The following TAF3 variants were observed in gnomAD, a reference collection of about 807,000 sequenced individuals.
TAF3 encodes transcription initiation factor TFIID subunit 3.
TAF3 carries 7 observed loss-of-function variants against 80.6 expected under a neutral mutation model. The ratio of observed to expected loss-of-function variants is 0.09; its 90% confidence interval spans 0.05 to 0.16. The LOEUF is 0.16. TAF3 is among the 10% of genes least tolerant of loss of function. The pLI, the probability that TAF3 is intolerant of heterozygous loss-of-function variation, is 1.00. For synonymous variants in TAF3, 444 were observed against 446.1 expected, an observed-to-expected ratio of 1.00 and a Z score of 0.06; for missense variants, 921 against 1,140.2, an observed-to-expected ratio of 0.81 and a Z score of 2.77.
At chr10:7,897,823 C>T (rs535212610) in intron 2 of TAF3, among the ~76,000 whole-genome samples, 1 of 152,122 alleles carries the variant, frequency 6.6e-6, no homozygotes, top group South Asian at 2.1e-4. Context: ...CCATGCCCGG[C>T]TAACTTTTTG....
intron 2 of TAF3, among the ~76,000 whole-genome samples, chr10:7,826,823 A>G (rs915078524): frequency 1.3e-5 from 2 of 152,150 alleles, no homozygotes; most frequent in Non-Finnish European, 2.9e-5. Flanking sequence ...ATACAAGACC[A>G]TTTCTTGTCA....
chr10:7,904,244 T>C (rs1033550378), intron 2 of TAF3, among the ~76,000 whole-genome samples: 7 of 152,222 alleles, frequency 4.6e-5, no homozygotes, highest in Non-Finnish European at 1.0e-4. Context: ...AGTATGGTAG[T>C]GGCCCACACA....
chr10:7,913,720 C>T (rs1837678891), intron 2 of TAF3, among the ~76,000 whole-genome samples: 1 of 152,162 alleles, frequency 6.6e-6, no homozygotes, highest in Non-Finnish European at 1.5e-5. Context: ...ATCTTGACAT[C>T]ACTGAAAGTG....
At chr10:7,883,138 C>T (rs1434902976) in intron 2 of TAF3, among the ~76,000 whole-genome samples, 2 of 152,184 alleles carry the variant, frequency 1.3e-5, no homozygotes, top group South Asian at 2.1e-4. Flanking sequence ...TGATACCCTC[C>T]GTAGCAAAAG....
intron 6 of TAF3, among the ~76,000 whole-genome samples, chr10:8,014,327 AAGAT>A (rs1832083462): frequency 6.6e-6 from 1 of 152,230 alleles, no homozygotes; most frequent in Non-Finnish European, 1.5e-5. Context: ...AGATACAAAA[AAGAT>A]AGCAACCTGT....
At chr10:7,891,576 A>T (rs1467412017) in intron 2 of TAF3, among the ~76,000 whole-genome samples, 1 of 152,184 alleles carries the variant, frequency 6.6e-6, no homozygotes, top group Non-Finnish European at 1.5e-5. Flanking sequence ...ACCTTTTAAA[A>T]AATGTTTTAT....
chr10:7,841,483 G>A (rs918397730), intron 2 of TAF3, among the ~76,000 whole-genome samples: 1 of 152,162 alleles, frequency 6.6e-6, no homozygotes, highest in Non-Finnish European at 1.5e-5. Flanking sequence ...AAACATCAGA[G>A]GTCTCTAACC....
intron 2 of TAF3, among the ~76,000 whole-genome samples, chr10:7,913,979 A>C (rs1370228936): frequency 6.6e-6 from 1 of 152,224 alleles, no homozygotes; most frequent in Non-Finnish European, 1.5e-5. Flanking sequence ...TGAAAAAAAG[A>C]GAGCAGGGGG....
intron 4 of TAF3, among the ~76,000 whole-genome samples, chr10:8,000,479 G>A (rs961040376): frequency 1.3e-5 from 2 of 151,990 alleles, no homozygotes; most frequent in Non-Finnish European, 2.9e-5. Context: ...GAGAAAAAAG[G>A]CATCCACCCA....
chr10:7,938,917 C>T (rs1837950450), intron 2 of TAF3, among the ~76,000 whole-genome samples: 1 of 152,096 alleles, frequency 6.6e-6, no homozygotes, highest in Non-Finnish European at 1.5e-5. Flanking sequence ...TTCCTAAACC[C>T]CACTACAATG....
At chr10:7,897,607 T>C (rs1837516779) in intron 2 of TAF3, among the ~76,000 whole-genome samples, 1 of 152,168 alleles carries the variant, frequency 6.6e-6, no homozygotes, top group Admixed American at 6.5e-5. Context: ...AGTTTCCCTG[T>C]TTTATTTTCG....
chr10:7,974,879 C>T (rs1373559611), intron 3 of TAF3, among the ~76,000 whole-genome samples: 2 of 151,612 alleles, frequency 1.3e-5, no homozygotes, highest in Non-Finnish European at 2.9e-5. Context: ...ATCGAGACCA[C>T]CCTGGCCAAC....
chr10:7,840,783 C>CTAATGA (rs1350952327), intron 2 of TAF3, among the ~76,000 whole-genome samples: 1 of 151,730 alleles, frequency 6.6e-6, no homozygotes, highest in East Asian at 1.9e-4. Flanking sequence ...GTACTCATTG[C>CTAATGA]CTTTTATTTA....
chr10:7,841,202 C>T (rs931865499), intron 2 of TAF3, among the ~76,000 whole-genome samples: 12 of 152,168 alleles, frequency 7.9e-5, no homozygotes, highest in African/African-American at 1.2e-4. Flanking sequence ...GCTTCTTTTA[C>T]GGTGGTTATA....
At chr10:7,829,967 A>G (rs1176193530) in intron 2 of TAF3, among the ~76,000 whole-genome samples, 1 of 152,218 alleles carries the variant, frequency 6.6e-6, no homozygotes, top group African/African-American at 2.4e-5. Flanking sequence ...AACAAAAGTA[A>G]TACAAACTTG....
chr10:7,875,337 C>G (rs2131149409), intron 2 of TAF3, among the ~76,000 whole-genome samples: 1 of 152,132 alleles, frequency 6.6e-6, no homozygotes, highest in East Asian at 1.9e-4. Flanking sequence ...GAGCCTTTGG[C>G]TTATTAATCT....
Position 7,919,102 on chromosome 10 carries a change from A to T in TAF3, c.410-44818A>T, listed in dbSNP as rs566772720. Among the ~76,000 whole-genome samples the T allele has an allele frequency of 2.6e-5, 4 of 152,296 alleles. No individual in the cohort carries two copies. The East Asian group carries it at 7.7e-4, about 29-fold the overall frequency. Reference sequence around the variant, plus strand: ...TGACAGATTGTGCATTTCAGAGGGTACAGAATCTGAAAAAAAATGGGAGAT... The same window carrying T: ...TGACAGATTGTGCATTTCAGAGGGTTCAGAATCTGAAAAAAAATGGGAGAT... On this transcript the variant is annotated intron_variant, in intron 2 of 6. Transcript: ENST00000344293.
chr10:7,926,452 T>A (rs1837816292), intron 2 of TAF3, among the ~76,000 whole-genome samples: 1 of 152,178 alleles, frequency 6.6e-6, no homozygotes, highest in Non-Finnish European at 1.5e-5. Context: ...TATTACCAGG[T>A]CCATATAGTA....
At chr10:7,903,847 T>C (rs1016433829) in intron 2 of TAF3, among the ~76,000 whole-genome samples, 1 of 152,010 alleles carries the variant, frequency 6.6e-6, no homozygotes, top group Non-Finnish European at 1.5e-5. Flanking sequence ...GATCCTCCCC[T>C]TCAGGGGCTT....
Sources: allele counts gnomAD v4.1 joint callset (sites outside exome capture counted in the v4.1 genomes callset), GRCh38; gene constraint gnomAD v4.1.1; transcripts MANE v1.5; gene names NCBI Gene and HGNC (gene_info 2026-07-23, HGNC 2026-07-21).